The following TFPI variants were observed in gnomAD, a reference collection of about 807,000 sequenced individuals.
TFPI encodes anti-convertin.
A neutral mutation model predicts 34.6 loss-of-function variants in TFPI; 15 were observed. The observed-to-expected ratio is 0.43, with a 90% CI of 0.29 to 0.67. The LOEUF is 0.67. TFPI is among the 30% of genes least tolerant of loss of function. The pLI is 0.15. For missense variants in TFPI, 301 were observed against 364.0 expected, an observed-to-expected ratio of 0.83 and a Z score of 1.41; for synonymous variants, 105 against 120.1, an observed-to-expected ratio of 0.87 and a Z score of 0.82.
intron 1 of TFPI, among the ~76,000 whole-genome samples, chr2:187,522,267 C>A (rs1397753406): frequency 1.3e-5 from 2 of 151,880 alleles, no homozygotes; most frequent in East Asian, 3.9e-4. Flanking sequence ...GTCTCATATT[C>A]AAAAAATCAT....
At chr2:187,501,923 T>A (rs2106111692) in intron 2 of TFPI, among the ~76,000 whole-genome samples, 1 of 152,244 alleles carries the variant, frequency 6.6e-6, no homozygotes, top group Non-Finnish European at 1.5e-5. Context: ...AGAGAAGCAA[T>A]AAAATTTGAT....
At chr2:187,553,409 G>T (rs1404725784) in intron 1 of TFPI, among the ~76,000 whole-genome samples, 1 of 151,650 alleles carries the variant, frequency 6.6e-6, no homozygotes, top group Non-Finnish European at 1.5e-5. Context: ...CTTATTTTTG[G>T]TAATTATTTT....
chr2:187,547,496 G>T (rs1198448206), intron 1 of TFPI: 1 of 152,118 alleles, frequency 6.6e-6, no homozygotes, highest in East Asian at 1.9e-4. Flanking sequence ...TCTGAGTTTG[G>T]TTCAAGAGAG....
At chr2:187,483,570 GTA>G (rs1190617569) in intron 6 of TFPI, among the ~76,000 whole-genome samples, 1 of 151,914 alleles carries the variant, frequency 6.6e-6, no homozygotes, top group Non-Finnish European at 1.5e-5. Context: ...AATATTTCCT[GTA>G]TATTCGTTTA....
rs548880075 is a variant in TFPI, at chr2:187,532,311, T to C, written c.-3+21889A>G. 5.9e-5 allele frequency among the ~76,000 whole-genome samples: 9 copies of C among 152,348 alleles called. No homozygotes were observed. In the East Asian group the frequency reaches 1.7e-3, roughly 29 times the overall value. On this transcript the variant is annotated intron_variant, in intron 1 of 7. Coordinates refer to ENST00000233156, the MANE Select transcript of TFPI (RefSeq NM_006287.6). ...GGCAAGATGGCTGAATAGAAACAGC[T>C]CTGGTCTGCAGCTTCCAGTGAGATC...
At chr2:187,530,024 G>T (rs566698131) in intron 1 of TFPI, among the ~76,000 whole-genome samples, 12 of 152,260 alleles carry the variant, frequency 7.9e-5, no homozygotes, top group African/African-American at 2.9e-4. Flanking sequence ...GTGAAGTACT[G>T]GTCTGGGAAA....
chr2:187,505,858 C>T (rs1035961341), intron 1 of TFPI, among the ~76,000 whole-genome samples: 4 of 151,948 alleles, frequency 2.6e-5, no homozygotes, highest in Non-Finnish European at 5.9e-5. Flanking sequence ...GTGGTGGAAA[C>T]GGACAAGTGT....
chr2:187,527,251 G>A (rs1687727639), intron 1 of TFPI: 1 of 152,138 alleles, frequency 6.6e-6, no homozygotes, highest in Admixed American at 6.5e-5. Flanking sequence ...TTTGCAAGTA[G>A]TATTCTCAAT....
Position 187,503,749 on chromosome 2 carries a change from T to G in TFPI, c.20A>C (p.Lys7Thr), listed in dbSNP as rs1192902666. The G allele has an allele frequency of 6.2e-7, 1 of 1,612,966 alleles. No individual in the cohort carries two copies. The highest frequency in any genetic ancestry group is 1.7e-5 in the Admixed American group (1 of 59,872). The change falls in exon 2 of 8, where the codon AAA (lysine) becomes ACA (threonine). Residue 7 changes from lysine (K) to threonine (T), a missense_variant. Coordinates refer to ENST00000233156, the MANE Select transcript of TFPI (RefSeq NM_006287.6). Reference sequence around the variant, plus strand: ...TACAGAAGCCCAAAGTGCATGTACTTTCTTCATTGTGTAAATCATCTCTGA... The same window carrying G: ...TACAGAAGCCCAAAGTGCATGTACTGTCTTCATTGTGTAAATCATCTCTGA... MIYTMK[K>T]VHALWASVCL...
chr2:187,494,073 G>A (rs918349509), intron 3 of TFPI, among the ~76,000 whole-genome samples: 28 of 152,196 alleles, frequency 1.8e-4, no homozygotes, highest in Middle Eastern at 6.8e-3. Context: ...CATGGATAGC[G>A]GCAGGCAAAG....
intron 1 of TFPI, among the ~76,000 whole-genome samples, chr2:187,532,684 GT>G (rs1175562687): frequency 5.3e-5 from 8 of 150,294 alleles, no homozygotes; most frequent in East Asian, 2.0e-4. Context: ...AGCTGCGGGA[GT>G]TTTTTTTTTC....
chr2:187,476,988 A>C (rs1425568248), intron 6 of TFPI, among the ~76,000 whole-genome samples: 1 of 152,216 alleles, frequency 6.6e-6, no homozygotes, highest in African/African-American at 2.4e-5. Flanking sequence ...TATTTTAAGT[A>C]ATTTGGCTTA....
intron 1 of TFPI, among the ~76,000 whole-genome samples, chr2:187,534,900 A>AAT (rs1553537526): frequency 1.3e-5 from 2 of 151,740 alleles, no homozygotes; most frequent in African/African-American, 2.4e-5. Context: ...AAAGCAAAAA[A>AAT]AAAAATAAAA....
intron 3 of TFPI, among the ~76,000 whole-genome samples, chr2:187,488,938 TAA>T (rs1693499682): frequency 2.6e-5 from 4 of 151,506 alleles, no homozygotes; most frequent in African/African-American, 9.7e-5. Flanking sequence ...CATTTCCCTC[TAA>T]AACTGGAATG....
At chr2:187,503,868 TCTATGCCATTTTATGTGTATAC>T in intron 1 of TFPI, 98 bp from the exon 2 acceptor site, 1 of 1,334,404 alleles carries the variant, frequency 7.5e-7, no homozygotes, top group Non-Finnish European at 1.0e-6. Flanking sequence ...TATGCAAATT[TCTATGCCATTTTATGTGTATAC>T]ACATACATTT....
rs573674822 is a variant in TFPI, at chr2:187,482,976, C to T, written c.628+1148G>A. On this transcript the variant is annotated intron_variant, in intron 6 of 7. Transcript: ENST00000233156. ...CTCTTTAATCATGTTTCAAATCCTC[C>T]TTGTGATTTCCAAGGTGTGACATTC... 1.7e-4 allele frequency among the ~76,000 whole-genome samples: 26 copies of T among 152,016 alleles called. 1 individual carries two copies. The South Asian group carries it at 5.4e-3, about 32-fold the overall frequency.
chr2:187,476,226 G>C (rs950715989), intron 6 of TFPI, among the ~76,000 whole-genome samples: 2 of 152,026 alleles, frequency 1.3e-5, no homozygotes, highest in Non-Finnish European at 2.9e-5. Flanking sequence ...CCATGTAGTG[G>C]TATTAGATAT....
At chr2:187,535,694 C>A (rs1380292592) in intron 1 of TFPI, among the ~76,000 whole-genome samples, 2 of 151,978 alleles carry the variant, frequency 1.3e-5, no homozygotes. Flanking sequence ...CTAGAGCAAA[C>A]AAATTGAAAA....
chr2:187,506,196 A>C (rs1686206885), intron 1 of TFPI, among the ~76,000 whole-genome samples: 1 of 151,886 alleles, frequency 6.6e-6, no homozygotes, highest in South Asian at 2.1e-4. Flanking sequence ...ATTAGAAAAC[A>C]GAGATTTATA....
Sources: allele counts gnomAD v4.1 joint callset (sites outside exome capture counted in the v4.1 genomes callset), GRCh38; gene constraint gnomAD v4.1.1; transcripts MANE v1.5; gene names NCBI Gene and HGNC (gene_info 2026-07-23, HGNC 2026-07-21).